ZBTB16: variants seen among roughly 807,000 people sequenced by gnomAD.
ZBTB16 encodes zinc finger and BTB domain-containing protein 16.
Under a neutral mutation model 56.8 loss-of-function variants are expected in ZBTB16, and 8 were observed. The observed-to-expected ratio is 0.14, with a 90% confidence interval of 0.08 to 0.25. The LOEUF (loss-of-function observed/expected upper bound fraction) is 0.25. Among genes scored for constraint, ZBTB16 ranks in the 10% least tolerant of loss-of-function variants. ZBTB16 has a pLI of 1.00. For missense variants in ZBTB16, 625 were observed against 903.0 expected, an observed-to-expected ratio of 0.69 and a Z score of 3.95; for synonymous variants, 363 against 368.5, an observed-to-expected ratio of 0.98 and a Z score of 0.17.
intron 2 of ZBTB16, among the ~76,000 whole-genome samples, chr11:114,079,021 G>A (rs914134364): frequency 1.3e-5 from 2 of 151,490 alleles, no homozygotes; most frequent in Non-Finnish European, 2.9e-5. Flanking sequence ...GGCTGAGGCA[G>A]GAAAATTGCT....
At chr11:114,206,629 C>T (rs143722719) in intron 4 of ZBTB16, among the ~76,000 whole-genome samples, 65 of 152,348 alleles carry the variant, frequency 4.3e-4, no homozygotes, top group Middle Eastern at 3.4e-3. Context: ...CTGTGCTGTT[C>T]TAAGCATTCT....
chr11:114,169,693 G>A (rs1235949466), intron 3 of ZBTB16, among the ~76,000 whole-genome samples: 6 of 152,188 alleles, frequency 3.9e-5, no homozygotes, highest in African/African-American at 9.7e-5. Flanking sequence ...AAGAGAAGGC[G>A]TTGAGCAAGG....
At chr11:114,139,260 A>G (rs4936291) in intron 2 of ZBTB16, among the ~76,000 whole-genome samples, 60,112 of 151,950 alleles carry the variant, frequency 0.4, 12,056 homozygotes, top group East Asian at 0.48. Flanking sequence ...CCCATTGCCA[A>G]TTGCTCACAC....
chr11:114,068,716 C>G (rs1339518215), intron 2 of ZBTB16, among the ~76,000 whole-genome samples: 2 of 152,192 alleles, frequency 1.3e-5, no homozygotes, highest in Non-Finnish European at 2.9e-5. Context: ...AGGGGAAGAT[C>G]ATCTCAGGAT....
chr11:114,065,456 G>A (rs1002888533), intron 2 of ZBTB16, among the ~76,000 whole-genome samples: 2 of 151,528 alleles, frequency 1.3e-5, no homozygotes, highest in African/African-American at 4.9e-5. Flanking sequence ...CGCTCTCCTT[G>A]CCCAGGCTGG....
chr11:114,189,356 T>C (rs1943437821), intron 4 of ZBTB16: 3 of 152,152 alleles, frequency 2.0e-5, no homozygotes, highest in African/African-American at 7.2e-5. Context: ...ATCAGAGAGA[T>C]GCAAATCAAA....
intron 4 of ZBTB16, among the ~76,000 whole-genome samples, chr11:114,207,076 G>T (rs1490875895): frequency 6.6e-6 from 1 of 152,132 alleles, no homozygotes; most frequent in Non-Finnish European, 1.5e-5. Context: ...ATGCAGAGTT[G>T]ATGGCTGCAG....
chr11:114,200,974 C>T (rs1943724827), intron 4 of ZBTB16, among the ~76,000 whole-genome samples: 1 of 152,140 alleles, frequency 6.6e-6, no homozygotes, highest in African/African-American at 2.4e-5. Context: ...AACACAAGGG[C>T]CTATTTTATT....
At chr11:114,224,415 T>A (rs892569548) in intron 4 of ZBTB16, among the ~76,000 whole-genome samples, 1 of 152,310 alleles carries the variant, frequency 6.6e-6, no homozygotes, top group African/African-American at 2.4e-5. Context: ...GAGCTTTTTT[T>A]ATTGTTATCG....
Position 114,143,569 on chromosome 11 carries a change from C to T in ZBTB16, c.1269-12768C>T, listed in dbSNP as rs577364861. Among the ~76,000 whole-genome samples, 7 of 152,248 alleles carry T rather than the reference C, an allele frequency of 4.6e-5. No individual in the cohort carries two copies. In the East Asian group the frequency reaches 9.6e-4, roughly 21 times the overall value. On this transcript the variant is annotated intron_variant, in intron 2 of 6. Transcript: ENST00000335953. The surrounding 1 kb of genome is among the most constrained non-coding windows in gnomAD (Gnocchi z 6.4). ...ATTACACAAAAATGTAGAAAAAATA[C>T]GCTAGTGACAGGTCCTCCCTCCATC...
chr11:114,152,581 G>T (rs1015976634), intron 2 of ZBTB16, among the ~76,000 whole-genome samples: 1 of 152,216 alleles, frequency 6.6e-6, no homozygotes, highest in Non-Finnish European at 1.5e-5. Context: ...GAGTTGGGGA[G>T]AACTTGAGTC....
intron 5 of ZBTB16, 149 bp from the exon 6 acceptor site, chr11:114,247,049 A>G: frequency 3.3e-6 from 3 of 914,208 alleles, no homozygotes; most frequent in Admixed American, 2.0e-5. Flanking sequence ...TGTTTATTCA[A>G]TGGAGGTGTG....
At chr11:114,158,648 CTGA>C (rs1188938456) in intron 3 of ZBTB16, among the ~76,000 whole-genome samples, 1 of 152,190 alleles carries the variant, frequency 6.6e-6, no homozygotes, top group African/African-American at 2.4e-5. Context: ...GTACCTACTG[CTGA>C]TGTGATCTGG....
Position 114,256,022 on chromosome 11 carries a change from G to GTTTTTTTTTTTTTTTTTTTTTTTTTT in ZBTB16, c.*5479_*5480insTTTTTTTTTTTTTTTTTTTTTTTTTT. Among the ~76,000 whole-genome samples the GTTTTTTTTTTTTTTTTTTTTTTTTTT allele has an allele frequency of 7.0e-6, 1 of 143,082 alleles. No individual in the cohort carries two copies. The highest frequency in any genetic ancestry group is 1.5e-5 in the Non-Finnish European group (1 of 65,996). The allele number at this position is 143,082 out of a possible 152,430, so 93.9% of individuals were successfully genotyped here. A position where few individuals can be genotyped will look rare whatever the true frequency, so the allele number is the denominator to read the frequency against. On this transcript the variant is annotated 3_prime_UTR_variant, in exon 7 of 7. Coordinates refer to ENST00000335953, the MANE Select transcript of ZBTB16 (RefSeq NM_006006.6). The stretch of plus-strand genomic sequence containing the variant: ...TTATTGAAGTACTTGGTTTTGTTTT[G>GTTTTTTTTTTTTTTTTTTTTTTTTTT]TTTTTTTTTTTTGTTTTTTTTGCCT...
At chr11:114,221,436 T>G (rs1325537571) in intron 4 of ZBTB16, among the ~76,000 whole-genome samples, 1 of 152,188 alleles carries the variant, frequency 6.6e-6, no homozygotes, top group East Asian at 1.9e-4. Flanking sequence ...TTGCCCTGTC[T>G]TAAAGTTTAA....
intron 4 of ZBTB16, among the ~76,000 whole-genome samples, chr11:114,233,118 C>G (rs1386952896): frequency 6.6e-5 from 3 of 45,168 alleles, no homozygotes; most frequent in African/African-American, 1.6e-4. Context: ...CACACACACA[C>G]ACACACACTC....
rs1406513159 is a variant in ZBTB16 at position 114,233,114 on chromosome 11, C to G, written c.1454-9053C>G. ...ACACACACACACACACACACACACACACACACACACACTCTCTCTCTCTCA... is the reference window on the plus strand; with the variant it reads ...ACACACACACACACACACACACACAGACACACACACACTCTCTCTCTCTCA... On this transcript the variant is annotated intron_variant, in intron 4 of 6. Coordinates refer to ENST00000335953, the MANE Select transcript of ZBTB16 (RefSeq NM_006006.6). Among the ~76,000 whole-genome samples the G allele has an allele frequency of 5.1e-3, 187 of 36,908 alleles. 2 individuals are homozygous for G. The highest frequency in any genetic ancestry group is 9.9e-3 in the African/African-American group (176 of 17,714). 24.2% of individuals were successfully genotyped at this position (36,908 alleles called of 152,430 possible). A position where few individuals can be genotyped will look rare whatever the true frequency, so the allele number is the denominator to read the frequency against.
In ZBTB16 at chr11:114,255,447, T is replaced by C. The variant is rs1429348939; in HGVS notation, c.*4892T>C. 1.3e-5 allele frequency among the ~76,000 whole-genome samples: 2 copies of C among 151,636 alleles called. No homozygotes were observed. Among genetic ancestry groups the C allele is most frequent in the Non-Finnish European group, 2.9e-5 (2 of 67,932 alleles). On this transcript the variant is annotated 3_prime_UTR_variant, in exon 7 of 7. Coordinates refer to ENST00000335953, the MANE Select transcript of ZBTB16 (RefSeq NM_006006.6). Reference sequence around the variant, plus strand: ...TTTCTCTCCTCCCCACCTCTCACCCTTGCCCTCTCCATCTCCCTCTCCCGC... The same window carrying C: ...TTTCTCTCCTCCCCACCTCTCACCCCTGCCCTCTCCATCTCCCTCTCCCGC...
At chr11:114,222,984 G>A (rs1944260838) in intron 4 of ZBTB16, among the ~76,000 whole-genome samples, 1 of 152,150 alleles carries the variant, frequency 6.6e-6, no homozygotes, top group African/African-American at 2.4e-5. Flanking sequence ...CCCTGGTCTT[G>A]GAGGAGAAAG....
Sources: gnomAD v4.1 joint callset for allele counts (sites outside exome capture counted in the v4.1 genomes callset) on GRCh38, gnomAD v4.1.1 for gene constraint, Gnocchi (gnomAD v3.1) non-coding constraint, MANE v1.5 for transcripts, NCBI Gene and HGNC (gene_info 2026-07-23, HGNC 2026-07-21) for gene names.